MKLN1: variants seen among roughly 807,000 people sequenced by gnomAD.
MKLN1 encodes muskelin.
Under a neutral mutation model 99.0 loss-of-function variants are expected in MKLN1, and 18 were observed. The observed-to-expected ratio is 0.18, with a 90% CI of 0.13 to 0.27. The LOEUF (loss-of-function observed/expected upper bound fraction) is 0.27. Ranked by LOEUF, MKLN1 falls within the 10% of genes least tolerant of loss-of-function variation. The probability of loss-of-function intolerance (pLI) is 1.00; values close to 1 mark genes in which losing one functional copy is unlikely to be tolerated. For missense variants in MKLN1, 621 were observed against 875.9 expected, an observed-to-expected ratio of 0.71 and a Z score of 3.67; for synonymous variants, 288 against 293.2, an observed-to-expected ratio of 0.98 and a Z score of 0.18.
chr7:131,404,621 T>C (rs1249959412), intron 6 of MKLN1, among the ~76,000 whole-genome samples: 1 of 152,158 alleles, frequency 6.6e-6, no homozygotes, highest in African/African-American at 2.4e-5. Context: ...TTCTTTTTTT[T>C]TGAGACAGGG....
chr7:131,112,305 T>A (rs998454062), intron 1 of MKLN1, among the ~76,000 whole-genome samples: 1 of 152,238 alleles, frequency 6.6e-6, no homozygotes, highest in African/African-American at 2.4e-5. Flanking sequence ...GAGATTGAAC[T>A]CACTACATAA....
At chr7:131,231,625 C>T (rs1477461106) in intron 3 of MKLN1, among the ~76,000 whole-genome samples, 4 of 152,204 alleles carry the variant, frequency 2.6e-5, no homozygotes, top group Middle Eastern at 3.4e-3. Flanking sequence ...TGCAGATCTG[C>T]GTCTGTGTGT....
chr7:131,161,786 G>T (rs1328882891), intron 2 of MKLN1, among the ~76,000 whole-genome samples: 1 of 151,830 alleles, frequency 6.6e-6, no homozygotes, highest in African/African-American at 2.4e-5. Context: ...TGATCCGCCC[G>T]CCTCGGCCTC....
chr7:131,125,848 CA>C lies in MKLN1; in HGVS notation c.-419+15649del, dbSNP rs1017826284. 2.5e-4 allele frequency among the ~76,000 whole-genome samples: 37 copies of C among 150,958 alleles called. 1 individual carries two copies. Among genetic ancestry groups the C allele is most frequent in the African/African-American group, 8.2e-4 (34 of 41,240 alleles). Reference sequence around the variant, plus strand: ...TGAAACCCCGTCTCTGTTAAAAATACAAAAAAAATTAGCCGGGCGTGGTGGT... The same window carrying C: ...TGAAACCCCGTCTCTGTTAAAAATACAAAAAAATTAGCCGGGCGTGGTGGT... On this transcript the variant is annotated intron_variant, in intron 1 of 7. Coordinates refer to the MKLN1 transcript ENST00000416992.
intron 2 of MKLN1, among the ~76,000 whole-genome samples, chr7:131,380,220 T>G (rs1372825555): frequency 6.6e-6 from 1 of 152,160 alleles, no homozygotes; most frequent in Non-Finnish European, 1.5e-5. Context: ...AGACCTACAG[T>G]AGAAGATATA....
At chr7:131,453,157 T>C (rs1303038332) in intron 12 of MKLN1, among the ~76,000 whole-genome samples, 2 of 152,242 alleles carry the variant, frequency 1.3e-5, no homozygotes, top group African/African-American at 4.8e-5. Context: ...AAGAGTATTT[T>C]ATATTTTTAG....
intron 3 of MKLN1, among the ~76,000 whole-genome samples, chr7:131,226,517 T>C (rs1308927941): frequency 6.6e-6 from 1 of 152,208 alleles, no homozygotes; most frequent in East Asian, 1.9e-4. Context: ...TCCTAGCATG[T>C]TTATCTAGTG....
intron 17 of MKLN1, among the ~76,000 whole-genome samples, chr7:131,485,179 A>G (rs1302843038): frequency 6.6e-6 from 1 of 152,120 alleles, no homozygotes; most frequent in Non-Finnish European, 1.5e-5. Flanking sequence ...TTTCAAAAAG[A>G]CACAGAAGCC....
Position 131,166,715 on chromosome 7 carries a change from C to T in MKLN1, c.-297+23774C>T, listed in dbSNP as rs186981453. Among the ~76,000 whole-genome samples, 25 of 152,264 alleles carry T rather than the reference C, an allele frequency of 1.6e-4. No homozygotes were observed. The East Asian group carries it at 4.2e-3, about 26-fold the overall frequency. ...TTGTTTTGTTTTTGAGACAGAGTTT[C>T]GCTCTTGTTGCCCAGGCTGGAGTGC... is the stretch of plus-strand genomic sequence containing the variant. On this transcript the variant is annotated intron_variant, in intron 2 of 7. Transcript: ENST00000416992.
rs1420059256 is a variant in MKLN1, at chr7:131,232,679, T to C, written c.-179+29705T>C. 2.6e-5 allele frequency among the ~76,000 whole-genome samples: 4 copies of C among 152,142 alleles called. No individual in the cohort carries two copies. In the East Asian group the frequency reaches 7.7e-4, roughly 29 times the overall value. On this transcript the variant is annotated intron_variant, in intron 3 of 7. Transcript: ENST00000416992. ...TGCTTTTTGTTAAAATGAAAAACTGTACTCCTCAATTGAATACATTTTTAG... is the reference window on the plus strand; with the variant it reads ...TGCTTTTTGTTAAAATGAAAAACTGCACTCCTCAATTGAATACATTTTTAG...
chr7:131,236,148 A>T (rs1363030649), intron 3 of MKLN1, among the ~76,000 whole-genome samples: 1 of 152,222 alleles, frequency 6.6e-6, no homozygotes, highest in African/African-American at 2.4e-5. Context: ...TGTAAGCAGT[A>T]AGATGTCTGC....
At chr7:131,250,936 A>T (rs1797568122) in intron 3 of MKLN1, among the ~76,000 whole-genome samples, 1 of 148,732 alleles carries the variant, frequency 6.7e-6, no homozygotes, top group Admixed American at 6.7e-5. Flanking sequence ...TGGGAAGTTA[A>T]TTTTTTTTTT....
At chr7:131,406,764 C>G (rs1447370951) in intron 6 of MKLN1, among the ~76,000 whole-genome samples, 3 of 152,030 alleles carry the variant, frequency 2.0e-5, no homozygotes, top group Admixed American at 6.6e-5. Flanking sequence ...CAGATTGACA[C>G]TTACTTTCTT....
At chr7:131,132,033 C>T (rs919633466) in intron 1 of MKLN1, among the ~76,000 whole-genome samples, 1 of 152,162 alleles carries the variant, frequency 6.6e-6, no homozygotes, top group Admixed American at 6.5e-5. Flanking sequence ...TAAACCTTTC[C>T]ACTTTTTACT....
chr7:131,293,228 C>T (rs749286298), intron 3 of MKLN1, among the ~76,000 whole-genome samples: 8 of 152,164 alleles, frequency 5.3e-5, no homozygotes, highest in Non-Finnish European at 1.2e-4. Context: ...CTGAGATCAT[C>T]CCAGACTGAC....
intron 1 of MKLN1, among the ~76,000 whole-genome samples, chr7:131,347,860 A>AT (rs1303496383): frequency 1.3e-5 from 2 of 152,178 alleles, no homozygotes; most frequent in Non-Finnish European, 2.9e-5. Context: ...GTGCAATAAC[A>AT]TTTTTTAAAT....
intron 3 of MKLN1, among the ~76,000 whole-genome samples, chr7:131,223,097 A>C (rs1797085695): frequency 6.6e-6 from 1 of 152,176 alleles, no homozygotes; most frequent in African/African-American, 2.4e-5. Flanking sequence ...CTTCATGGTA[A>C]GAAGTGCTCT....
At chr7:131,129,079 G>C (rs1795510478) in intron 1 of MKLN1, among the ~76,000 whole-genome samples, 1 of 151,588 alleles carries the variant, frequency 6.6e-6, no homozygotes, top group Admixed American at 6.6e-5. Context: ...AAGGCAAAAA[G>C]GAAAAAAAGG....
At chr7:131,414,410 C>A (rs551174088) in intron 7 of MKLN1, among the ~76,000 whole-genome samples, 14 of 151,932 alleles carry the variant, frequency 9.2e-5, no homozygotes, top group Admixed American at 5.9e-4. Context: ...ATAAATAAAT[C>A]AAAAATAACT....
Sources: allele counts gnomAD v4.1 joint callset (sites outside exome capture counted in the v4.1 genomes callset), GRCh38; gene constraint gnomAD v4.1.1; transcripts MANE v1.5; gene names NCBI Gene and HGNC (gene_info 2026-07-23, HGNC 2026-07-21).